Variants in PHF21A observed in about 807,000 individuals in gnomAD.
The protein encoded by PHF21A is BHC80a.
PHF21A carries 11 observed loss-of-function variants against 82.5 expected under a neutral mutation model. The observed-to-expected ratio is 0.13, with a 90% confidence interval of 0.08 to 0.22. The LOEUF is 0.22. Ranked by LOEUF, PHF21A falls within the 10% of genes least tolerant of loss-of-function variation. The pLI is 1.00. For missense variants in PHF21A, 579 were observed against 837.8 expected, an observed-to-expected ratio of 0.69 and a Z score of 3.81; for synonymous variants, 297 against 302.8, an observed-to-expected ratio of 0.98 and a Z score of 0.20.
intron 6 of PHF21A, among the ~76,000 whole-genome samples, chr11:45,996,932 T>C (rs544790471): frequency 2.0e-5 from 3 of 152,244 alleles, no homozygotes; most frequent in South Asian, 4.1e-4. Flanking sequence ...GTATCCATTG[T>C]AAATGTTAGT....
chr11:46,086,965 C>A (rs1316583086), intron 3 of PHF21A, among the ~76,000 whole-genome samples: 2 of 152,172 alleles, frequency 1.3e-5, no homozygotes, highest in Non-Finnish European at 1.5e-5. Context: ...AAACTTCCAT[C>A]TTTTAAGACA....
At chr11:46,077,806 T>C (rs2096744753) in intron 5 of PHF21A, among the ~76,000 whole-genome samples, 1 of 152,212 alleles carries the variant, frequency 6.6e-6, no homozygotes. Context: ...AATGATAGTT[T>C]CTAGTAACAT....
intron 1 of PHF21A, among the ~76,000 whole-genome samples, chr11:46,100,483 G>A (rs1012024622): frequency 2.0e-5 from 3 of 152,154 alleles, no homozygotes; most frequent in Non-Finnish European, 2.9e-5. Context: ...TGCTATAGGC[G>A]AACTCTTCTG....
chr11:46,009,699 T>G (rs553381014), intron 6 of PHF21A, among the ~76,000 whole-genome samples: 40 of 152,336 alleles, frequency 2.6e-4, no homozygotes, highest in African/African-American at 9.1e-4. Context: ...CAGAGCAGAC[T>G]TCCAACTTGG....
rs564968643 is a variant in PHF21A, at chr11:45,997,195, T to G, written c.154-17229A>C. Among the ~76,000 whole-genome samples, 4 of 152,354 alleles carry G rather than the reference T, an allele frequency of 2.6e-5. No homozygotes were observed. The East Asian group carries it at 7.7e-4, about 29-fold the overall frequency. On this transcript the variant is annotated intron_variant, in intron 6 of 18. Coordinates refer to ENST00000676320, the MANE Select transcript of PHF21A (RefSeq NM_001352027.3). Reference sequence around the variant, plus strand: ...TCTACTACACTCTTCCTTTTTCCTATGCTTGATGTATGAAACAGAGGGATT... The same window carrying G: ...TCTACTACACTCTTCCTTTTTCCTAGGCTTGATGTATGAAACAGAGGGATT...
intron 6 of PHF21A, among the ~76,000 whole-genome samples, chr11:46,063,278 A>AGC (rs2096557783): frequency 6.6e-6 from 1 of 152,234 alleles, no homozygotes; most frequent in Non-Finnish European, 1.5e-5. Context: ...TATACAGTGT[A>AGC]GCACTCACTC....
intron 6 of PHF21A, among the ~76,000 whole-genome samples, chr11:46,076,471 C>G (rs1052097015): frequency 6.6e-6 from 1 of 152,184 alleles, no homozygotes; most frequent in Non-Finnish European, 1.5e-5. Context: ...TTTACCCCAT[C>G]CCCTATAGGT....
intron 7 of PHF21A, among the ~76,000 whole-genome samples, 156 bp downstream of exon 7, chr11:45,979,604 A>G (rs1396226455): frequency 6.6e-6 from 1 of 152,178 alleles, no homozygotes; most frequent in Non-Finnish European, 1.5e-5. Flanking sequence ...ATTACAAGTG[A>G]TACTTATCTG....
chr11:45,953,708 C>A lies in PHF21A; in HGVS notation c.997-83G>T, dbSNP rs575728217. On this transcript the variant is annotated intron_variant, in intron 10 of 18. Transcript: ENST00000676320. ...CAATCAGAAGTTTAATAGTAGTAGT[C>A]AAGAAGAAAGAAGACAACATATTCA... 168 of 802,712 alleles carry A rather than the reference C, an allele frequency of 2.1e-4. 3 individuals carry two copies. In the South Asian group the frequency reaches 2.3e-3, roughly 11 times the overall value. The allele number at this position is 802,712 out of a possible 1,614,324, so 49.7% of individuals were successfully genotyped here.
chr11:46,007,464 C>T (rs930950218), intron 6 of PHF21A, among the ~76,000 whole-genome samples: 8 of 151,968 alleles, frequency 5.3e-5, no homozygotes, highest in African/African-American at 1.9e-4. Context: ...CAGGTGCCCA[C>T]GACCATGTCC....
intron 1 of PHF21A, among the ~76,000 whole-genome samples, chr11:46,111,731 C>G (rs1271520041): frequency 6.6e-6 from 1 of 152,100 alleles, no homozygotes; most frequent in Non-Finnish European, 1.5e-5. Flanking sequence ...AAGGAACCAG[C>G]CATGCAAATA....
Position 45,935,719 on chromosome 11 carries a change from T to G in PHF21A, c.1705A>C (p.Lys569Gln). The change falls in exon 18 of 19, where the codon AAG becomes CAG. Residue 569 changes from lysine to glutamine, a missense_variant. Physicochemically the swap from Lys to Gln is moderately conservative, Grantham distance 53. Transcript: ENST00000676320. ...YKAAKEEEKQKLLKWSSDLKQ... is the reference protein window; with the variant it reads ...YKAAKEEEKQQLLKWSSDLKQ... ...AAATCTGAACTCCATTTAAGTAACTTCTGTTTCTCTTCTTCTTTTGCTAAA... is the reference window on the plus strand; with the variant it reads ...AAATCTGAACTCCATTTAAGTAACTGCTGTTTCTCTTCTTCTTTTGCTAAA... 1 of 1,288,778 alleles carries G rather than the reference T, an allele frequency of 7.8e-7. No homozygotes were observed. The highest frequency in any genetic ancestry group is 1.1e-6 in the Non-Finnish European group (1 of 908,390). 79.8% of individuals were successfully genotyped at this position (1,288,778 alleles called of 1,614,324 possible). A position where few individuals can be genotyped will look rare whatever the true frequency, so the allele number is the denominator to read the frequency against.
At chr11:46,018,379 C>A (rs1565565504) in intron 6 of PHF21A, among the ~76,000 whole-genome samples, 1 of 152,152 alleles carries the variant, frequency 6.6e-6, no homozygotes, top group Non-Finnish European at 1.5e-5. Context: ...AAGCTCAGCA[C>A]CATTTTCAGG....
At chr11:46,110,848 C>A (rs2097204667) in intron 1 of PHF21A, among the ~76,000 whole-genome samples, 1 of 150,808 alleles carries the variant, frequency 6.6e-6, no homozygotes, top group Admixed American at 6.6e-5. Context: ...TGCAATGGCA[C>A]AACCGCAGCT....
At chr11:46,046,138 A>C (rs2096252468) in intron 6 of PHF21A, among the ~76,000 whole-genome samples, 1 of 152,140 alleles carries the variant, frequency 6.6e-6, no homozygotes, top group South Asian at 2.1e-4. Context: ...TGCTATTTTC[A>C]GGGTTTGTTT....
chr11:45,952,087 G>A (rs1047295704), intron 11 of PHF21A, among the ~76,000 whole-genome samples: 2 of 152,200 alleles, frequency 1.3e-5, no homozygotes, highest in Non-Finnish European at 2.9e-5. Flanking sequence ...TTACAGGCGT[G>A]AGCCACCGCG....
At chr11:45,979,639 A>C in intron 7 of PHF21A, 121 bp downstream of exon 7, 1 of 1,396,742 alleles carries the variant, frequency 7.2e-7, no homozygotes, top group African/African-American at 1.4e-5. Flanking sequence ...AAAGCAATCA[A>C]AATAACTTTT....
At chr11:46,069,058 G>C (rs1265128689) in intron 6 of PHF21A, among the ~76,000 whole-genome samples, 1 of 152,148 alleles carries the variant, frequency 6.6e-6, no homozygotes, top group Non-Finnish European at 1.5e-5. Flanking sequence ...GTAAAAAGGA[G>C]AGCAGATAAT....
At chr11:45,972,634 C>A (rs1396693670) in intron 7 of PHF21A, among the ~76,000 whole-genome samples, 1 of 152,320 alleles carries the variant, frequency 6.6e-6, no homozygotes, top group Admixed American at 6.5e-5. Context: ...AAAAAGTAGA[C>A]CAGGTGCGGT....
Sources: allele counts gnomAD v4.1 joint callset (sites outside exome capture counted in the v4.1 genomes callset), GRCh38; gene constraint gnomAD v4.1.1; transcripts MANE v1.5; gene names NCBI Gene and HGNC (gene_info 2026-07-23, HGNC 2026-07-21).